CASP10: variants seen among roughly 807,000 people sequenced by gnomAD.
The protein encoded by CASP10 is caspase 10.
A neutral mutation model predicts 48.5 loss-of-function variants in CASP10; 41 were observed. That is an observed-to-expected ratio of 0.85 (90% confidence interval 0.66 to 1.10). CASP10 has a LOEUF of 1.10. CASP10 is among the 50% of genes least tolerant of loss of function. The pLI is 0.00. For synonymous variants in CASP10, 232 were observed against 238.4 expected, an observed-to-expected ratio of 0.97 and a Z score of 0.25; for missense variants, 614 against 614.5, an observed-to-expected ratio of 1.00 and a Z score of 0.01.
chr2:201,197,169 G>A (rs1463374455), intron 5 of CASP10, among the ~76,000 whole-genome samples: 1 of 150,316 alleles, frequency 6.7e-6, no homozygotes, highest in Non-Finnish European at 1.5e-5. Context: ...TAGAGATAAG[G>A]TTTTGCTATG....
At position 201,208,151 on chromosome 2, in the gene CASP10, T is replaced by G; in HGVS notation, c.890T>G (p.Leu297Arg). Residue 297 changes from leucine (L) to arginine (R), a missense_variant, in exon 8 of 10, where the codon CTG (leucine) becomes CGG (arginine). Physicochemically the swap from Leu to Arg is moderately radical, Grantham distance 102. Coordinates refer to ENST00000286186, the MANE Select transcript of CASP10 (RefSeq NM_032977.4). The stretch of plus-strand genomic sequence containing the variant: ...GTCAACAACCACAGCTTTACCTCCC[T>G]GAAGGACAGACAAGGAACCCATAAA... ...VIVNNHSFTS[L>R]KDRQGTHKDA... 6.2e-7 allele frequency: 1 copy of G among 1,614,028 alleles called. No individual in the cohort carries two copies.
downstream of CASP10, among the ~76,000 whole-genome samples, chr2:201,225,201 G>A (rs1002673220): frequency 1.1e-4 from 16 of 152,090 alleles, no homozygotes; most frequent in African/African-American, 3.6e-4. Flanking sequence ...TGTCAGCACC[G>A]CCCCTCACTC....
In CASP10 at chr2:201,187,722, C is replaced by T. The variant is rs752483713; in HGVS notation, c.364C>T (p.Leu122=). Residue 122 remains leucine (L), a synonymous_variant, in exon 3 of 10, where the codon CTG becomes TTG. Coordinates refer to ENST00000286186, the MANE Select transcript of CASP10 (RefSeq NM_032977.4). ...VSLFRNLLYE[L]SEGIDSENLK... is the part of the protein sequence containing the mutation. ...GTGTCTTAGAAACCTGCTCTACGAA[C>T]TGTCAGAAGGCATTGACTCAGAGAA... The T allele has an allele frequency of 6.2e-6, 10 of 1,613,780 alleles. No individual in the cohort carries two copies. Among genetic ancestry groups the T allele is most frequent in the Non-Finnish European group, 8.5e-6 (10 of 1,179,830 alleles).
At chr2:201,186,962 A>G (rs929564858) in intron 2 of CASP10, among the ~76,000 whole-genome samples, 2 of 152,232 alleles carry the variant, frequency 1.3e-5, no homozygotes, top group African/African-American at 4.8e-5. Context: ...TGCTGGGATT[A>G]TAGGTGTGAG....
At position 201,199,573 on chromosome 2, in the gene CASP10, T is replaced by C. The variant is rs548724321; in HGVS notation, c.684+3625T>C. Among the ~76,000 whole-genome samples the C allele has an allele frequency of 7.9e-3, 1,158 of 145,972 alleles. 23 individuals carry two copies. Among genetic ancestry groups the C allele is most frequent in the African/African-American group, 0.028 (1,121 of 39,658 alleles). ...GATCCTTTAGTCTCCTTTAATCTTT[T>C]TTTTTTTTTTTTTTTTTTTGAAACT... On this transcript the variant is annotated intron_variant, in intron 5 of 9. Transcript: ENST00000286186.
chr2:201,217,491 G>A, intron 9 of CASP10, 97 bp from the exon 10 acceptor site: 2 of 763,732 alleles, frequency 2.6e-6, no homozygotes, highest in African/African-American at 3.4e-5. Context: ...TCCAGGAGGT[G>A]GAGGCTGCAG....
At chr2:201,203,682 A>T in intron 5 of CASP10, 48 bp from the exon 6 acceptor site, 1 of 1,543,932 alleles carries the variant, frequency 6.5e-7, no homozygotes, top group Non-Finnish European at 9.0e-7. Flanking sequence ...TCCTCATCCT[A>T]ACTGTGTGAA....
chr2:201,228,979 A>G (rs1338352539), exon 10 of CASP10: 1 of 1,614,174 alleles, frequency 6.2e-7, no homozygotes, highest in East Asian at 2.2e-5. Context: ...GGGCAGGAAG[A>G]GAACAGTGTG....
chr2:201,197,451 C>A (rs1161329990), intron 5 of CASP10, among the ~76,000 whole-genome samples: 1 of 152,142 alleles, frequency 6.6e-6, no homozygotes, highest in Non-Finnish European at 1.5e-5. Flanking sequence ...CCCATCTCTA[C>A]TAAAAATACC....
At chr2:201,216,144 ATATT>A (rs965260127) in intron 9 of CASP10, among the ~76,000 whole-genome samples, 5 of 150,166 alleles carry the variant, frequency 3.3e-5, no homozygotes, top group African/African-American at 1.2e-4. Flanking sequence ...TAATTGTTTA[ATATT>A]TATTTAATAA....
intron 5 of CASP10, among the ~76,000 whole-genome samples, chr2:201,197,891 T>TTATA (rs2126026738): frequency 1.3e-5 from 2 of 152,362 alleles, no homozygotes; most frequent in South Asian, 4.1e-4. Context: ...AAATGGTGGA[T>TTATA]TATATAGTCA....
rs1945660387 is a variant in CASP10 at position 201,219,225 on chromosome 2, A to T, written c.*1484A>T. On this transcript the variant is annotated 3_prime_UTR_variant, in exon 10 of 10. Transcript: ENST00000286186. ...GCAGAGGCTGTGGTGAGCCAAGATG[A>T]CACAACTGCACTCCAGCTTGGGCAA... 1.6e-5 allele frequency: 3 copies of T among 185,842 alleles called. No individual in the cohort carries two copies. Among genetic ancestry groups the T allele is most frequent in the South Asian group, 1.8e-4 (1 of 5,466 alleles). The allele number at this position is 185,842 out of a possible 1,614,324, so 11.5% of individuals were successfully genotyped here. A position where few individuals can be genotyped will look rare whatever the true frequency, so the allele number is the denominator to read the frequency against.
intron 5 of CASP10, among the ~76,000 whole-genome samples, 155 bp from the exon 6 acceptor site, chr2:201,203,575 G>C (rs1489433966): frequency 6.6e-6 from 1 of 152,130 alleles, no homozygotes; most frequent in Admixed American, 6.5e-5. Flanking sequence ...CCAAAGTGCT[G>C]GGATTACAGG....
rs367848313 is a variant in CASP10 at position 201,208,221 on chromosome 2, G to T, written c.922+38G>T. The stretch of plus-strand genomic sequence containing the variant: ...GGAACAGTTTATCAAATGCAAATTG[G>T]GGATCTTAAAATTATTTTTTATTTT... On this transcript the variant is annotated intron_variant, in intron 8 of 9. Coordinates refer to ENST00000286186, the MANE Select transcript of CASP10 (RefSeq NM_032977.4). 2.1e-5 allele frequency: 33 copies of T among 1,588,494 alleles called. No individual in the cohort carries two copies. In the East Asian group the frequency reaches 3.1e-4, roughly 15 times the overall value.
Position 201,220,024 on chromosome 2 carries a change from A to C in CASP10, c.*2283A>C. On this transcript the variant is annotated 3_prime_UTR_variant, in exon 10 of 10. Transcript: ENST00000286186. ...AACAACAACTCTCAGTGGTGCCTGC[A>C]TTTATAATTATTTATGTGAAAGTCA... 1 of 985,470 alleles carries C rather than the reference A, an allele frequency of 1.0e-6. No individual in the cohort carries two copies. Among genetic ancestry groups the C allele is most frequent in the Non-Finnish European group, 1.2e-6 (1 of 829,922 alleles). The allele number at this position is 985,470 out of a possible 1,614,324, so 61.0% of individuals were successfully genotyped here.
At chr2:201,210,038 A>G (rs1179640658) in intron 9 of CASP10, among the ~76,000 whole-genome samples, 1 of 152,240 alleles carries the variant, frequency 6.6e-6, no homozygotes, top group African/African-American at 2.4e-5. Context: ...TAGAAATGAC[A>G]AATAGATGTT....
At chr2:201,189,913 C>T (rs532877376) in intron 3 of CASP10, among the ~76,000 whole-genome samples, 5 of 152,226 alleles carry the variant, frequency 3.3e-5, no homozygotes, top group Non-Finnish European at 5.9e-5. Flanking sequence ...ATGGGAGGAT[C>T]GCTCGAGCCC....
intron 5 of CASP10, among the ~76,000 whole-genome samples, chr2:201,201,628 C>A (rs1034070345): frequency 6.6e-6 from 1 of 151,998 alleles, no homozygotes; most frequent in African/African-American, 2.4e-5. Context: ...GGGGGATAGT[C>A]GTGGCAGTAC....
rs1472964728 is a variant in CASP10, at chr2:201,221,571, A to G, written c.*3830A>G. ...TTTCCACTACTTACCCAAATCCTATAAAACGGCCCCACCCCTATCTCCCTT... is the reference window on the plus strand; with the variant it reads ...TTTCCACTACTTACCCAAATCCTATGAAACGGCCCCACCCCTATCTCCCTT... On this transcript the variant is annotated 3_prime_UTR_variant, in exon 10 of 10. Coordinates refer to ENST00000286186, the MANE Select transcript of CASP10 (RefSeq NM_032977.4). 1 of 152,226 alleles carries G rather than the reference A, an allele frequency of 6.6e-6. No homozygotes were observed. The highest frequency in any genetic ancestry group is 2.4e-5 in the African/African-American group (1 of 41,352). 9.4% of individuals were successfully genotyped at this position (152,226 alleles called of 1,614,324 possible).
Sources: allele counts gnomAD v4.1 joint callset (sites outside exome capture counted in the v4.1 genomes callset), GRCh38; gene constraint gnomAD v4.1.1; transcripts MANE v1.5; gene names NCBI Gene and HGNC (gene_info 2026-07-23, HGNC 2026-07-21).